Variants in ASPH observed in about 807,000 individuals in gnomAD.
ASPH encodes aspartyl/asparaginyl beta-hydroxylase.
Under a neutral mutation model 118.4 loss-of-function variants are expected in ASPH, and 100 were observed. That is an observed-to-expected ratio of 0.84 (90% confidence interval 0.72 to 1.00). The LOEUF is 1.00. Ranked by LOEUF, ASPH falls within the 50% of genes least tolerant of loss-of-function variation. The pLI, the probability that ASPH is intolerant of heterozygous loss-of-function variation, is 0.00. For missense variants in ASPH, 920 were observed against 919.5 expected (o/e 1.00, Z -0.01); for synonymous variants, 315 against 325.6 (o/e 0.97, Z 0.35).
At chr8:61,531,604 A>G (rs1404028753) in intron 21 of ASPH, among the ~76,000 whole-genome samples, 1 of 152,022 alleles carries the variant, frequency 6.6e-6, no homozygotes, top group Admixed American at 6.6e-5. Context: ...GAATATATTC[A>G]AAGTGAACAA....
intron 1 of ASPH, among the ~76,000 whole-genome samples, chr8:61,687,884 A>G (rs1048075477): frequency 3.2e-4 from 48 of 152,356 alleles, no homozygotes; most frequent in African/African-American, 1.2e-3. Context: ...TAGTATTATT[A>G]ACCTTATTAC....
Position 61,598,318 on chromosome 8 carries a change from T to G in ASPH, c.977-14289A>C, listed in dbSNP as rs1291642770. Reference sequence around the variant, plus strand: ...GCAAATAGAAAGACAGAAAAAGATATGCAGGCAAATACAAACCAAAAGTGA... The same window carrying G: ...GCAAATAGAAAGACAGAAAAAGATAGGCAGGCAAATACAAACCAAAAGTGA... On this transcript the variant is annotated intron_variant, in intron 14 of 24. Transcript: ENST00000379454. Among the ~76,000 whole-genome samples, 4 of 152,020 alleles carry G rather than the reference T, an allele frequency of 2.6e-5. No individual in the cohort carries two copies. In the East Asian group the frequency reaches 7.7e-4, roughly 29 times the overall value.
intron 14 of ASPH, among the ~76,000 whole-genome samples, chr8:61,590,028 AGGTTTTTTTGTTTGTTTTTT>A (rs1183894256): frequency 1.3e-5 from 2 of 152,050 alleles, no homozygotes; most frequent in African/African-American, 2.4e-5. Flanking sequence ...CTTTATTGTT[AGGTTTTTTTGTTTGTTTTTT>A]GGTTTTTTTG....
chr8:61,516,437 A>G (rs567509818), intron 24 of ASPH, among the ~76,000 whole-genome samples: 1 of 152,250 alleles, frequency 6.6e-6, no homozygotes, highest in South Asian at 2.1e-4. Flanking sequence ...CCACAGCACC[A>G]TGGGCTGCCC....
Position 61,644,624 on chromosome 8 carries a change from G to C in ASPH, c.628C>G (p.His210Asp), listed in dbSNP as rs757059899. ...CCTGTCTCTTCCACGTGGTAACTAT[G>C]CTCGGTTTCTGGAAAAAAAAAAATT... The part of the protein sequence containing the change: ...EPEVSHEETE[H>D]SYHVEETVSQ... The change falls in exon 7 of 25, where the codon CAT becomes GAT. Residue 210 changes from histidine to aspartate, a missense_variant. Transcript: ENST00000379454. The C allele has an allele frequency of 6.3e-7, 1 of 1,585,452 alleles. No homozygotes were observed. The highest frequency in any genetic ancestry group is 1.2e-5 in the South Asian group (1 of 84,878).
intron 18 of ASPH, among the ~76,000 whole-genome samples, chr8:61,559,344 T>C (rs73263176): frequency 0.12 from 18,675 of 152,234 alleles, 1,201 homozygotes; most frequent in African/African-American, 0.15. Context: ...GTTAAGTTTT[T>C]GGGGAGTCAA....
intron 14 of ASPH, chr8:61,606,632 T>G (rs550726599): frequency 6.6e-6 from 1 of 152,186 alleles, no homozygotes; most frequent in Non-Finnish European, 1.5e-5. Context: ...TTCATTAAAT[T>G]ATCATGAAGC....
At chr8:61,682,748 C>T (rs532605432) in intron 2 of ASPH, among the ~76,000 whole-genome samples, 1 of 152,194 alleles carries the variant, frequency 6.6e-6, no homozygotes, top group East Asian at 1.9e-4. Context: ...ATTCCTACAG[C>T]CAAAAATTTG....
At chr8:61,606,964 C>A (rs1845748598) in intron 14 of ASPH, 1 of 276,304 alleles carries the variant, frequency 3.6e-6, no homozygotes, top group African/African-American at 2.2e-5. Flanking sequence ...GTAATCCTCA[C>A]CCACTACTTG....
chr8:61,510,485 G>T (rs1319961178), intron 24 of ASPH, among the ~76,000 whole-genome samples: 5 of 152,194 alleles, frequency 3.3e-5, no homozygotes, highest in Admixed American at 2.6e-4. Flanking sequence ...AGCTGACCTA[G>T]AAACCACCAC....
Position 61,548,202 on chromosome 8 carries a change from T to C in ASPH, c.1633A>G (p.Lys545Glu), listed in dbSNP as rs1824597204. ...MQRVGNKEAY[K>E]WYELGHKRGH... ...CTCTTGTGCCCAAGCTCATACCACT[T>C]ATATGCCTGAAGGAACAGAAAGAAT... The change falls in exon 21 of 25, where the codon AAG (lysine) becomes GAG (glutamate). Residue 545 changes from lysine to glutamate, a missense_variant. Coordinates refer to ENST00000379454, the MANE Select transcript of ASPH (RefSeq NM_004318.4). The C allele has an allele frequency of 6.2e-7, 1 of 1,613,020 alleles. No homozygotes were observed. Among genetic ancestry groups the C allele is most frequent in the Non-Finnish European group, 8.5e-7 (1 of 1,179,430 alleles).
intron 1 of ASPH, among the ~76,000 whole-genome samples, chr8:61,685,127 C>A (rs1230409057): frequency 6.6e-6 from 1 of 152,072 alleles, no homozygotes; most frequent in Non-Finnish European, 1.5e-5. Flanking sequence ...GTGATCCTCA[C>A]GGTGTCCTGC....
chr8:61,710,091 C>T (rs915211279), intron 1 of ASPH, among the ~76,000 whole-genome samples: 2 of 152,136 alleles, frequency 1.3e-5, no homozygotes, highest in South Asian at 2.1e-4. Context: ...TACTATTAGA[C>T]GTACTTTAAC....
chr8:61,554,233 T>A (rs13273044), intron 19 of ASPH, among the ~76,000 whole-genome samples: 137,349 of 152,274 alleles, frequency 0.9, 62,024 homozygotes, highest in Middle Eastern at 0.93. Context: ...CAAGGGGGGA[T>A]CACTGCTTGT....
At chr8:61,650,082 C>A (rs981140085) in intron 5 of ASPH, among the ~76,000 whole-genome samples, 5 of 152,032 alleles carry the variant, frequency 3.3e-5, no homozygotes, top group African/African-American at 1.2e-4. Flanking sequence ...TATTTTATTA[C>A]CATGACAGCA....
Position 61,643,435 on chromosome 8 carries a change from TAAA to T in ASPH, c.710-5_710-3del. 6.2e-7 allele frequency: 1 copy of T among 1,603,088 alleles called. No homozygotes were observed. The highest frequency in any genetic ancestry group is 8.5e-7 in the Non-Finnish European group (1 of 1,179,488). Reference sequence around the variant, plus strand: ...CTTCTACTACTGGTTCACTGGAATCTAAAAAACAAAAACACACCTTTGCCAAAC... The same window carrying T: ...CTTCTACTACTGGTTCACTGGAATCTAAACAAAAACACACCTTTGCCAAAC... On this transcript the variant is annotated splice_region_variant and splice_polypyrimidine_tract_variant and intron_variant, in intron 8 of 24. Transcript: ENST00000379454.
chr8:61,596,156 A>C (rs1355778775), intron 14 of ASPH, among the ~76,000 whole-genome samples: 2 of 151,714 alleles, frequency 1.3e-5, no homozygotes, highest in African/African-American at 4.8e-5. Context: ...GCCACCACCA[A>C]TGCTTACACA....
intron 14 of ASPH, among the ~76,000 whole-genome samples, chr8:61,589,157 A>C (rs1333739515): frequency 6.6e-6 from 1 of 152,200 alleles, no homozygotes. Flanking sequence ...AAAGTTCTGT[A>C]AGTTAGTTGT....
At chr8:61,553,638 A>G (rs779400468) in intron 19 of ASPH, among the ~76,000 whole-genome samples, 12 of 152,144 alleles carry the variant, frequency 7.9e-5, no homozygotes, top group Non-Finnish European at 1.3e-4. Flanking sequence ...GGAGAATTAA[A>G]GCCAATTTGA....
Sources: allele counts gnomAD v4.1 joint callset (sites outside exome capture counted in the v4.1 genomes callset), GRCh38; gene constraint gnomAD v4.1.1; transcripts MANE v1.5; gene names NCBI Gene and HGNC (gene_info 2026-07-23, HGNC 2026-07-21).